The following DGKB variants were observed in gnomAD, a reference collection of about 807,000 sequenced individuals.
DGKB encodes diacylglycerol kinase beta.
Under a neutral mutation model 114.3 loss-of-function variants are expected in DGKB, and 67 were observed. The observed-to-expected ratio is 0.59, with a 90% CI of 0.48 to 0.72. The LOEUF (loss-of-function observed/expected upper bound fraction) is 0.72, where lower values mean the gene tolerates loss of function less well. Among genes scored for constraint, DGKB ranks in the 30% least tolerant of loss-of-function variants. The pLI is 0.00. For synonymous variants in DGKB, 398 were observed against 323.1 expected, an observed-to-expected ratio of 1.23 and a Z score of -2.49; for missense variants, 907 against 975.2, an observed-to-expected ratio of 0.93 and a Z score of 0.93.
At chr7:14,211,981 TA>T (rs1254979686) in intron 23 of DGKB, among the ~76,000 whole-genome samples, 7 of 36,986 alleles carry the variant, frequency 1.9e-4, no homozygotes, top group African/African-American at 2.3e-4. Context: ...TGTTTTGTGA[TA>T]TTTACTCTCA....
chr7:14,301,406 C>G (rs981628100), intron 23 of DGKB, among the ~76,000 whole-genome samples: 1 of 152,034 alleles, frequency 6.6e-6, no homozygotes, highest in Non-Finnish European at 1.5e-5. Context: ...AGAAGAAAAA[C>G]CATTCTATTT....
chr7:14,600,844 G>C (rs1803412171), intron 17 of DGKB, among the ~76,000 whole-genome samples: 1 of 152,168 alleles, frequency 6.6e-6, no homozygotes, highest in African/African-American at 2.4e-5. Flanking sequence ...TTCCATGGCT[G>C]TGCTGTGTGC....
chr7:14,201,622 A>ATTT (rs1437999134), intron 23 of DGKB, among the ~76,000 whole-genome samples: 3 of 151,874 alleles, frequency 2.0e-5, no homozygotes, highest in Admixed American at 1.3e-4. Flanking sequence ...AAGATGCAAA[A>ATTT]TCCTGGGGGA....
At chr7:14,606,549 G>T (rs983165005) in intron 17 of DGKB, among the ~76,000 whole-genome samples, 4 of 151,562 alleles carry the variant, frequency 2.6e-5, no homozygotes, top group African/African-American at 9.7e-5. Context: ...TTGGTTTCTG[G>T]TTCCTGAGAA....
chr7:14,958,764 C>A (rs1468670234), intron 1 of DGKB, among the ~76,000 whole-genome samples: 3 of 152,042 alleles, frequency 2.0e-5, no homozygotes, highest in African/African-American at 7.2e-5. Context: ...TTCCTGACAC[C>A]TGCTGGGCAC....
At chr7:14,878,099 T>C (rs217570) in intron 1 of DGKB, among the ~76,000 whole-genome samples, 15,733 of 149,674 alleles carry the variant, frequency 0.11, 1,154 homozygotes, top group Middle Eastern at 0.17. Context: ...CAGTGAAATA[T>C]GTACATAAAC....
At chr7:14,437,056 GT>G (rs1262707091) in intron 21 of DGKB, among the ~76,000 whole-genome samples, 21 of 151,836 alleles carry the variant, frequency 1.4e-4, no homozygotes, top group Admixed American at 4.6e-4. Flanking sequence ...TTATTTATGT[GT>G]TTTAGCAGTA....
intron 1 of DGKB, among the ~76,000 whole-genome samples, chr7:14,973,507 TGTTTG>T (rs1787604554): frequency 7.4e-6 from 1 of 136,034 alleles, no homozygotes; most frequent in Non-Finnish European, 1.7e-5. Context: ...TGTTTTGTTT[TGTTTG>T]TTTTTTGTTT....
At chr7:14,924,317 C>T (rs956693526) in intron 1 of DGKB, among the ~76,000 whole-genome samples, 2 of 152,052 alleles carry the variant, frequency 1.3e-5, no homozygotes, top group Non-Finnish European at 2.9e-5. Flanking sequence ...TTGTGATTTC[C>T]TAGAAGGCAA....
chr7:14,215,505 G>GT (rs2128314089), intron 23 of DGKB, among the ~76,000 whole-genome samples: 1 of 152,092 alleles, frequency 6.6e-6, no homozygotes, highest in South Asian at 2.1e-4. Flanking sequence ...AATAAAGATG[G>GT]TAATAATAGT....
chr7:14,538,648 T>C (rs752768086), intron 20 of DGKB, among the ~76,000 whole-genome samples: 1 of 152,122 alleles, frequency 6.6e-6, no homozygotes, highest in African/African-American at 2.4e-5. Context: ...TCTGAAATAA[T>C]GGAAATCAGA....
intron 13 of DGKB, among the ~76,000 whole-genome samples, chr7:14,659,051 C>G (rs1345027487): frequency 2.0e-5 from 3 of 151,904 alleles, no homozygotes; most frequent in African/African-American, 7.2e-5. Context: ...GGTATTTGTC[C>G]TAATGTTCTC....
At chr7:14,894,097 G>A (rs1359477704) in intron 1 of DGKB, among the ~76,000 whole-genome samples, 4 of 151,066 alleles carry the variant, frequency 2.6e-5, no homozygotes, top group Admixed American at 6.6e-5. Flanking sequence ...CCAGAAGGAG[G>A]GATTCTGTGG....
At chr7:14,925,599 TA>T (rs1326325327) in intron 1 of DGKB, among the ~76,000 whole-genome samples, 2 of 152,330 alleles carry the variant, frequency 1.3e-5, no homozygotes, top group Non-Finnish European at 2.9e-5. Context: ...TTTCAGCATA[TA>T]TATTCTATAC....
chr7:14,893,948 C>T (rs1781703325), intron 1 of DGKB, among the ~76,000 whole-genome samples: 1 of 151,160 alleles, frequency 6.6e-6, no homozygotes, highest in Non-Finnish European at 1.5e-5. Context: ...GGGTTCTGTT[C>T]ATAAGTTTTT....
intron 23 of DGKB, among the ~76,000 whole-genome samples, chr7:14,217,925 C>T (rs1162051255): frequency 6.6e-6 from 1 of 152,110 alleles, no homozygotes; most frequent in Non-Finnish European, 1.5e-5. Flanking sequence ...CCTGTCCATA[C>T]TTTTGTAATA....
intron 21 of DGKB, among the ~76,000 whole-genome samples, chr7:14,408,315 G>A (rs6963111): frequency 0.75 from 114,174 of 151,962 alleles, 43,500 homozygotes; most frequent in Middle Eastern, 0.83. Flanking sequence ...GAAGTACTTC[G>A]GATTTTTGTC....
At chr7:14,930,897 T>C (rs36862) in intron 1 of DGKB, among the ~76,000 whole-genome samples, 19,391 of 152,176 alleles carry the variant, frequency 0.13, 1,669 homozygotes, top group Non-Finnish European at 0.19. Flanking sequence ...TCTGGTTTGT[T>C]GAGTATTTTT....
At chr7:14,284,716 A>G (rs1008588039) in intron 23 of DGKB, among the ~76,000 whole-genome samples, 2 of 151,616 alleles carry the variant, frequency 1.3e-5, no homozygotes, top group African/African-American at 4.9e-5. Context: ...TTGTAGGGAC[A>G]TGGATGAAAT....
Sources: allele counts gnomAD v4.1 joint callset (sites outside exome capture counted in the v4.1 genomes callset), GRCh38; gene constraint gnomAD v4.1.1; transcripts MANE v1.5; gene names NCBI Gene and HGNC (gene_info 2026-07-23, HGNC 2026-07-21).